REST: variants seen among roughly 807,000 people sequenced by gnomAD.
The protein encoded by REST is RE1 silencing transcription factor, also known as RE1-silencing transcription factor.
In REST, 1 loss-of-function variant was observed where a neutral mutation model predicts 30.4. The ratio of observed to expected loss-of-function variants is 0.03; its 90% CI spans 0.01 to 0.16. The LOEUF is 0.16. Among genes scored for constraint, REST ranks in the 10% least tolerant of loss-of-function variants. The pLI is 1.00. For synonymous variants in REST, 504 were observed against 451.1 expected, an observed-to-expected ratio of 1.12 and a Z score of -1.49; for missense variants, 1,259 against 1,329.5, an observed-to-expected ratio of 0.95 and a Z score of 0.82.
At chr4:56,909,007 G>C (rs2109518068) in intron 1 of REST, 1 of 152,178 alleles carries the variant, frequency 6.6e-6, no homozygotes, top group Non-Finnish European at 1.5e-5. Context: ...GGGGCCCGGG[G>C]GCGGTCGGAG....
chr4:56,929,999 G>A lies in REST; in HGVS notation c.1141G>A (p.Glu381Lys). 1.2e-6 allele frequency: 2 copies of A among 1,614,140 alleles called. No individual in the cohort carries two copies. The highest frequency in any genetic ancestry group is 1.7e-6 in the Non-Finnish European group (2 of 1,180,040). ...TAGAAGCAACTTCAAAAAACATGTA[G>A]AGCTACATGTGAACCCACGGCAGTT... Reference protein sequence around the residue: ...ADRSNFKKHVELHVNPRQFNC... With the variant: ...ADRSNFKKHVKLHVNPRQFNC... Residue 381 changes from glutamate (E) to lysine (K), a missense_variant, in exon 4 of 4, where the codon GAG becomes AAG. Glu to Lys is a moderately conservative substitution (Grantham distance 56). This residue lies in a region of REST where 125 missense variants were observed against 255.4 expected (regional missense o/e 0.49). Transcript: ENST00000309042.
intron 2 of REST, among the ~76,000 whole-genome samples, chr4:56,912,881 G>A (rs866298547): frequency 1.1e-4 from 16 of 151,972 alleles, no homozygotes; most frequent in African/African-American, 3.4e-4. Flanking sequence ...CCTGACCTCA[G>A]GTGATCTACC....
rs1472466459 is a variant in REST at position 56,907,966 on chromosome 4, G to T, written c.-257G>T. ...CGAGCTCGCGGCGCAGCAGCGGAGC[G>T]AGCGCCGCCGAGGCCCGGGGCCCCA... On this transcript the variant is annotated 5_prime_UTR_variant, in exon 1 of 4. It introduces an in-frame stop codon into an upstream open reading frame of the 5' UTR. Coordinates refer to ENST00000309042, the MANE Select transcript of REST (RefSeq NM_005612.5). 8.5e-6 allele frequency: 3 copies of T among 351,184 alleles called. No individual in the cohort carries two copies. Among genetic ancestry groups the T allele is most frequent in the South Asian group, 2.7e-4 (2 of 7,426 alleles). 21.8% of individuals were successfully genotyped at this position (351,184 alleles called of 1,614,324 possible).
At chr4:56,919,721 T>C (rs1720363215) in intron 2 of REST, 66 bp from the exon 3 acceptor site, 5 of 965,030 alleles carry the variant, frequency 5.2e-6, no homozygotes, top group Admixed American at 3.9e-5. Context: ...TGTTGCATTG[T>C]TAGTGAGAAT....
chr4:56,911,116 C>A lies in REST; in HGVS notation c.478C>A (p.Arg160Ser). 1 of 1,614,214 alleles carries A rather than the reference C, an allele frequency of 6.2e-7. No homozygotes were observed. ...CAAGAGCTCGAAGACCAAACCCTTT[C>A]GCTGTAAGCCATGCCAATATGAAGC... ...KGKSSKTKPF[R>S]CKPCQYEAES... Residue 160 changes from arginine to serine, a missense_variant, in exon 2 of 4, where the codon CGC (arginine) becomes AGC (serine). By Grantham distance (110) the Arg-to-Ser change is moderately radical (BLOSUM62 -1). Around this residue, in one of 5 missense-constraint regions of REST, gnomAD observed 249 missense variants for 251.5 expected, o/e 0.99. Transcript: ENST00000309042.
At position 56,930,433 on chromosome 4, in the gene REST, T is replaced by C. The variant is rs1191898720; in HGVS notation, c.1575T>C (p.Val525=). ...KTKKSKRKLE[V]DSHSLHGPVN... ...AGAAAAGCAAAAGGAAGCTGGAAGT[T>C]GACAGCCATTCTTTACATGGTCCTG... The change falls in exon 4 of 4, where the codon GTT becomes GTC. Residue 525 remains valine, a synonymous_variant. Coordinates refer to ENST00000309042, the MANE Select transcript of REST (RefSeq NM_005612.5). The C allele has an allele frequency of 6.2e-7, 1 of 1,613,890 alleles. No individual in the cohort carries two copies. Among genetic ancestry groups the C allele is most frequent in the Non-Finnish European group, 8.5e-7 (1 of 1,180,010 alleles).
rs373553990 is a variant in REST, at chr4:56,930,007, T to C, written c.1149T>C (p.His383=). The change falls in exon 4 of 4, where the codon CAT becomes CAC. Residue 383 remains histidine, a synonymous_variant. Coordinates refer to ENST00000309042, the MANE Select transcript of REST (RefSeq NM_005612.5). The part of the protein sequence containing the change: ...RSNFKKHVEL[H]VNPRQFNCPV... ...ACTTCAAAAAACATGTAGAGCTACA[T>C]GTGAACCCACGGCAGTTCAATTGCC... is the stretch of plus-strand genomic sequence containing the variant. The C allele has an allele frequency of 6.2e-7, 1 of 1,614,090 alleles. No homozygotes were observed. Among genetic ancestry groups the C allele is most frequent in the African/African-American group, 1.3e-5 (1 of 74,924 alleles).
At chr4:56,929,254 A>G (rs538876685) in intron 3 of REST, among the ~76,000 whole-genome samples, 1 of 151,938 alleles carries the variant, frequency 6.6e-6, no homozygotes, top group Non-Finnish European at 1.5e-5. Flanking sequence ...TATTTTTAGT[A>G]GAGATGGGGT....
At position 56,931,715 on chromosome 4, in the gene REST, C is replaced by A. The variant is rs758521937; in HGVS notation, c.2857C>A (p.Gln953Lys). The A allele has an allele frequency of 1.2e-6, 2 of 1,614,146 alleles. No homozygotes were observed. Among genetic ancestry groups the A allele is most frequent in the Admixed American group, 3.3e-5 (2 of 60,016 alleles). The change falls in exon 4 of 4, where the codon CAG (glutamine) becomes AAG (lysine). Residue 953 changes from glutamine to lysine, a missense_variant. Around this residue, in one of 5 missense-constraint regions of REST, gnomAD observed 856 missense variants for 772.8 expected, o/e 1.11. Coordinates refer to ENST00000309042, the MANE Select transcript of REST (RefSeq NM_005612.5). ...IVCEMKMDTD[Q>K]NTRENLTGIN... The stretch of plus-strand genomic sequence containing the variant: ...TTGTGAAATGAAAATGGACACTGAT[C>A]AGAACACAAGAGAGAATCTCACTGG...
chr4:56,911,762 A>G (rs970171619), intron 2 of REST, among the ~76,000 whole-genome samples: 6 of 152,238 alleles, frequency 3.9e-5, no homozygotes, highest in Non-Finnish European at 8.8e-5. Flanking sequence ...TAAAGCACAG[A>G]GGAACAGCCA....
Position 56,930,772 on chromosome 4 carries a change from G to A in REST, c.1914G>A (p.Gln638=), listed in dbSNP as rs1245071756. The A allele has an allele frequency of 6.2e-7, 1 of 1,605,662 alleles. No individual in the cohort carries two copies. The highest frequency in any genetic ancestry group is 1.7e-5 in the Admixed American group (1 of 58,136). Residue 638 remains glutamine, a synonymous_variant, in exon 4 of 4, where the codon CAG becomes CAA. Coordinates refer to ENST00000309042, the MANE Select transcript of REST (RefSeq NM_005612.5). ...CGCCACCTCCCATGGAGCATGCTCA[G>A]ATGGAGGGTGCCCAGATACGGCCTG... ...VEPPPPMEHA[Q]MEGAQIRPAP... is the part of the protein sequence containing the mutation.
chr4:56,919,967 A>C, intron 3 of REST, 97 bp downstream of exon 3: 1 of 502,476 alleles, frequency 2.0e-6, no homozygotes. Context: ...CTTATTATTT[A>C]TTTTTAATAT....
intron 3 of REST, among the ~76,000 whole-genome samples, chr4:56,924,701 G>A (rs1720604768): frequency 6.6e-6 from 1 of 151,674 alleles, no homozygotes; most frequent in Non-Finnish European, 1.5e-5. Flanking sequence ...GGGCTCAAGC[G>A]ATCCACTTGC....
chr4:56,923,168 G>T (rs1486425947), intron 3 of REST, among the ~76,000 whole-genome samples: 1 of 152,220 alleles, frequency 6.6e-6, no homozygotes, highest in Non-Finnish European at 1.5e-5. Context: ...TTGTATGTAT[G>T]CTGAATAGTA....
intron 1 of REST, among the ~76,000 whole-genome samples, chr4:56,910,236 A>G (rs1457088604): frequency 2.6e-5 from 4 of 152,166 alleles, no homozygotes; most frequent in Admixed American, 6.5e-5. Flanking sequence ...TGAAGGGGGG[A>G]AAAGTTGGGA....
intron 2 of REST, among the ~76,000 whole-genome samples, chr4:56,914,271 C>A (rs1268794847): frequency 1.3e-5 from 2 of 151,930 alleles, no homozygotes; most frequent in Non-Finnish European, 2.9e-5. Context: ...TTTTTATATC[C>A]CAGATACTTA....
In REST at chr4:56,931,609, C is replaced by T. The variant is rs1720976737; in HGVS notation, c.2751C>T (p.Thr917=). 2 of 1,614,076 alleles carry T rather than the reference C, an allele frequency of 1.2e-6. No individual in the cohort carries two copies. The highest frequency in any genetic ancestry group is 1.7e-5 in the Admixed American group (1 of 60,002). ...TTGCTGCTAATATCAACGAATCTACCCATATTTCATCCTCTGGACAAAACT... is the reference window on the plus strand; with the variant it reads ...TTGCTGCTAATATCAACGAATCTACTCATATTTCATCCTCTGGACAAAACT... ...PGLAANINES[T]HISSSGQNLN... is the part of the protein sequence containing the mutation. Residue 917 remains threonine, a synonymous_variant, in exon 4 of 4, where the codon ACC becomes ACT. Coordinates refer to ENST00000309042, the MANE Select transcript of REST (RefSeq NM_005612.5).
intron 3 of REST, among the ~76,000 whole-genome samples, chr4:56,924,011 A>G (rs1175810747): frequency 2.6e-5 from 4 of 151,808 alleles, no homozygotes; most frequent in African/African-American, 9.7e-5. Context: ...GTGAGCCACC[A>G]CACCCGGCCA....
At chr4:56,922,193 G>A (rs1165866240) in intron 3 of REST, 1 of 151,588 alleles carries the variant, frequency 6.6e-6, no homozygotes, top group Admixed American at 6.6e-5. Flanking sequence ...ATGGTAATGT[G>A]GATGCAATTT....
Sources: allele counts gnomAD v4.1 joint callset (sites outside exome capture counted in the v4.1 genomes callset), GRCh38; gene constraint gnomAD v4.1.1; regional missense constraint gnomAD v4.1.1; transcripts MANE v1.5; gene names NCBI Gene and HGNC (gene_info 2026-07-23, HGNC 2026-07-21).